CADM2: variants seen among roughly 807,000 people sequenced by gnomAD.
CADM2 encodes immunoglobulin superfamily member 4D.
Under a neutral mutation model 49.8 loss-of-function variants are expected in CADM2, and 12 were observed. The ratio of observed to expected loss-of-function variants is 0.24; its 90% CI spans 0.15 to 0.39. The LOEUF is 0.39. Among genes scored for constraint, CADM2 ranks in the 10% least tolerant of loss-of-function variants. CADM2 has a pLI of 1.00. For missense variants in CADM2, 378 were observed against 492.3 expected, an observed-to-expected ratio of 0.77 and a Z score of 2.20; for synonymous variants, 214 against 175.4, an observed-to-expected ratio of 1.22 and a Z score of -1.74.
intron 7 of CADM2, among the ~76,000 whole-genome samples, chr3:85,950,547 T>C (rs1723306317): frequency 6.6e-6 from 1 of 151,098 alleles, no homozygotes; most frequent in African/African-American, 2.4e-5. Context: ...TAAAAAGTAG[T>C]TCAGGATTTA....
At chr3:85,535,598 T>G (rs1187261845) in intron 1 of CADM2, among the ~76,000 whole-genome samples, 1 of 152,164 alleles carries the variant, frequency 6.6e-6, no homozygotes, top group Non-Finnish European at 1.5e-5. Flanking sequence ...GTTTGTTTCC[T>G]CTTGTCATTG....
At chr3:85,832,539 A>G (rs1198042517) in intron 3 of CADM2, among the ~76,000 whole-genome samples, 7 of 151,872 alleles carry the variant, frequency 4.6e-5, no homozygotes, top group African/African-American at 1.7e-4. Flanking sequence ...CTCCTTGGTT[A>G]GATCTATTCC....
chr3:85,429,514 T>A (rs2036571234), intron 1 of CADM2, among the ~76,000 whole-genome samples: 1 of 152,130 alleles, frequency 6.6e-6, no homozygotes, highest in African/African-American at 2.4e-5. Flanking sequence ...ATGTTAACTT[T>A]TTTTTGATGC....
chr3:85,960,653 A>G (rs987747491), intron 7 of CADM2, among the ~76,000 whole-genome samples: 3 of 151,960 alleles, frequency 2.0e-5, no homozygotes, highest in African/African-American at 7.2e-5. Context: ...AACTATTTCT[A>G]TCATTAATTA....
At chr3:85,828,857 T>C (rs2074048754) in intron 3 of CADM2, among the ~76,000 whole-genome samples, 1 of 151,882 alleles carries the variant, frequency 6.6e-6, no homozygotes, top group African/African-American at 2.4e-5. Flanking sequence ...AATGATAGAT[T>C]CCCAGTAAAT....
intron 1 of CADM2, among the ~76,000 whole-genome samples, chr3:85,676,270 C>T (rs574984478): frequency 5.9e-5 from 9 of 152,120 alleles, no homozygotes; most frequent in Non-Finnish European, 1.3e-4. Context: ...GACTCCGAGG[C>T]CTTAATGATC....
intron 5 of CADM2, among the ~76,000 whole-genome samples, chr3:85,891,829 A>G (rs1714471637): frequency 1.3e-5 from 2 of 152,224 alleles, no homozygotes; most frequent in Admixed American, 6.5e-5. Context: ...CCTAACTCAG[A>G]TTGAAACTAT....
intron 1 of CADM2, among the ~76,000 whole-genome samples, chr3:85,468,766 T>C (rs2038635493): frequency 6.6e-6 from 1 of 152,074 alleles, no homozygotes; most frequent in Non-Finnish European, 1.5e-5. Flanking sequence ...AATACACTAG[T>C]CATAGAGTAA....
chr3:85,153,378 G>A (rs1053065588), intron 1 of CADM2, among the ~76,000 whole-genome samples: 22 of 152,164 alleles, frequency 1.4e-4, no homozygotes, highest in Non-Finnish European at 2.4e-4. Context: ...CTTTTCTGAT[G>A]GTCTTAAAAA....
At chr3:85,627,921 ACT>A (rs2107511102) in intron 1 of CADM2, among the ~76,000 whole-genome samples, 1 of 152,092 alleles carries the variant, frequency 6.6e-6, no homozygotes, top group African/African-American at 2.4e-5. Context: ...TGTTGGTATG[ACT>A]CTTACTGAAT....
chr3:85,225,741 C>A (rs544664361), intron 1 of CADM2, among the ~76,000 whole-genome samples: 1 of 152,176 alleles, frequency 6.6e-6, no homozygotes, highest in Non-Finnish European at 1.5e-5. Flanking sequence ...GTTGGTCTGT[C>A]ATAAATAGCT....
chr3:85,734,582 C>T (rs1294503845), intron 2 of CADM2, among the ~76,000 whole-genome samples: 1 of 148,990 alleles, frequency 6.7e-6, no homozygotes, highest in Non-Finnish European at 1.5e-5. Context: ...GACACATATA[C>T]ACATACACAT....
chr3:85,864,964 T>A (rs1404069972), intron 3 of CADM2, among the ~76,000 whole-genome samples: 2 of 152,200 alleles, frequency 1.3e-5, no homozygotes, highest in African/African-American at 4.8e-5. Flanking sequence ...ATTATCTTAA[T>A]CTCTCTAGTC....
intron 1 of CADM2, among the ~76,000 whole-genome samples, chr3:85,344,622 A>G (rs2030381496): frequency 6.6e-6 from 1 of 151,898 alleles, no homozygotes; most frequent in Non-Finnish European, 1.5e-5. Context: ...ACGACAATTC[A>G]TAGCCAAACA....
Position 85,076,495 on chromosome 3 carries a change from G to A in CADM2, c.61+116827G>A, listed in dbSNP as rs553335700. The stretch of plus-strand genomic sequence containing the variant: ...CCTGAGTAGCTGGGATTACAGGTGC[G>A]TGCCACCACACCCTGCTAATTTTTG... On this transcript the variant is annotated intron_variant, in intron 1 of 9. Transcript: ENST00000383699. Among the ~76,000 whole-genome samples, 237 of 151,864 alleles carry A rather than the reference G, an allele frequency of 1.6e-3. 1 individual carries two copies. Among genetic ancestry groups the A allele is most frequent in the African/African-American group, 4.7e-3 (196 of 41,464 alleles).
chr3:85,369,003 A>G (rs1278754253), intron 1 of CADM2, among the ~76,000 whole-genome samples: 2 of 152,074 alleles, frequency 1.3e-5, no homozygotes, highest in African/African-American at 4.8e-5. Flanking sequence ...TAAAAAATCT[A>G]ATGTATAGAA....
chr3:85,077,480 G>A (rs552071375), intron 1 of CADM2, among the ~76,000 whole-genome samples: 67 of 151,974 alleles, frequency 4.4e-4, no homozygotes, highest in Non-Finnish European at 8.5e-4. Context: ...AATTTTGTAT[G>A]TGCACTGTTG....
chr3:85,543,420 A>ATGTGTGTGGGTGGGTGTGTG (rs372108050), intron 1 of CADM2, among the ~76,000 whole-genome samples: 5 of 129,584 alleles, frequency 3.9e-5, no homozygotes, highest in Non-Finnish European at 8.3e-5. Context: ...TGCCAAGCTA[A>ATGTGTGTGGGTGGGTGTGTG]TGTGTGTGTG....
intron 1 of CADM2, among the ~76,000 whole-genome samples, chr3:85,035,949 T>C (rs2035192685): frequency 1.3e-5 from 2 of 152,252 alleles, no homozygotes; most frequent in Admixed American, 6.5e-5. Context: ...ACTGCTGTTT[T>C]ATCTGCCTGT....
Sources: gnomAD v4.1 joint callset for allele counts (sites outside exome capture counted in the v4.1 genomes callset) on GRCh38, gnomAD v4.1.1 for gene constraint, MANE v1.5 for transcripts, NCBI Gene and HGNC (gene_info 2026-07-23, HGNC 2026-07-21) for gene names.